Variants in SLC16A13 observed in about 807,000 individuals in gnomAD.
The protein encoded by SLC16A13 is monocarboxylate transporter 13.
A neutral mutation model predicts 28.1 loss-of-function variants in SLC16A13; 28 were observed. The observed-to-expected ratio is 1.00, with a 90% CI of 0.74 to 1.37. The LOEUF (loss-of-function observed/expected upper bound fraction) is 1.37, where lower values mean the gene tolerates loss of function less well. Ranked by LOEUF, SLC16A13 falls within the 40% of genes most tolerant of loss-of-function variation. The pLI, the probability that SLC16A13 is intolerant of heterozygous loss-of-function variation, is 0.00. For synonymous variants in SLC16A13, 228 were observed against 241.6 expected (o/e 0.94, Z 0.52); for missense variants, 482 against 531.8 (o/e 0.91, Z 0.92).
intron 2 of SLC16A13, among the ~76,000 whole-genome samples, chr17:7,037,773 T>C (rs1022485575): frequency 6.6e-6 from 1 of 151,592 alleles, no homozygotes; most frequent in Non-Finnish European, 1.5e-5. Context: ...GACTGTGAAA[T>C]CGATATCATT....
chr17:7,036,647 G>A, intron 1 of SLC16A13, 66 bp downstream of exon 1: 11 of 1,609,024 alleles, frequency 6.8e-6, no homozygotes, highest in African/African-American at 1.3e-5. Flanking sequence ...CGGCGACTGG[G>A]AAGTGGAAGG....
In SLC16A13 at chr17:7,038,989, T is replaced by C. The variant is rs900108381; in HGVS notation, c.1081+100T>C. 10 of 1,463,426 alleles carry C rather than the reference T, an allele frequency of 6.8e-6. No homozygotes were observed. The highest frequency in any genetic ancestry group is 1.9e-4 in the Middle Eastern group (1 of 5,200). The allele number at this position is 1,463,426 out of a possible 1,614,324, so 90.7% of individuals were successfully genotyped here. A position where few individuals can be genotyped will look rare whatever the true frequency, so the allele number is the denominator to read the frequency against. On this transcript the variant is annotated intron_variant, in intron 3 of 3. Coordinates refer to ENST00000308027, the MANE Select transcript of SLC16A13 (RefSeq NM_201566.3). This position sits in a 1 kb window ranked among gnomAD's most constrained non-coding sequence, Gnocchi z 5.7. ...AGTGTATGTGAATATTGCCCTCTGGTGTAGTACAGTACACAGCCTGCGTGG... is the reference window on the plus strand; with the variant it reads ...AGTGTATGTGAATATTGCCCTCTGGCGTAGTACAGTACACAGCCTGCGTGG...
rs1451249436 is a variant in SLC16A13 at position 7,036,457 on chromosome 17, G to C, written c.75G>C (p.Ala25=). ...VVVLSAFFQS[A]LVFGVLRSFG... ...TGCTCTCAGCGTTCTTCCAGTCGGCGCTTGTGTTTGGGGTGCTCCGCTCCT... is the reference window on the plus strand; with the variant it reads ...TGCTCTCAGCGTTCTTCCAGTCGGCCCTTGTGTTTGGGGTGCTCCGCTCCT... Residue 25 remains alanine, a synonymous_variant, in exon 1 of 4, where the codon GCG becomes GCC. Coordinates refer to ENST00000308027, the MANE Select transcript of SLC16A13 (RefSeq NM_201566.3). 6.2e-7 allele frequency: 1 copy of C among 1,612,330 alleles called. No homozygotes were observed. The highest frequency in any genetic ancestry group is 8.5e-7 in the Non-Finnish European group (1 of 1,180,032).
intron 2 of SLC16A13, among the ~76,000 whole-genome samples, chr17:7,037,617 T>C (rs1237994865): frequency 6.6e-6 from 1 of 151,516 alleles, no homozygotes; most frequent in Non-Finnish European, 1.5e-5. Flanking sequence ...TCCCAGCTAC[T>C]CGGGAGGCTG....
In SLC16A13 at chr17:7,036,871, G is replaced by A. The variant is rs777148419; in HGVS notation, c.343+1G>A. 3 of 1,611,696 alleles carry A rather than the reference G, an allele frequency of 1.9e-6. No individual in the cohort carries two copies. The highest frequency in any genetic ancestry group is 1.3e-5 in the African/African-American group (1 of 74,936). ...TACCTGAGTATTGGGTTGCTGTCAG[G>A]TGAGAGCCTGCACAAGGGCAGGAGA... On this transcript the variant is annotated splice_donor_variant, in intron 2 of 3. Coordinates refer to ENST00000308027, the MANE Select transcript of SLC16A13 (RefSeq NM_201566.3). LOFTEE classifies it high-confidence loss of function.
Position 7,039,817 on chromosome 17 carries a change from C to T in SLC16A13, c.1136C>T (p.Ala379Val). The T allele has an allele frequency of 5.0e-6, 8 of 1,614,152 alleles. No homozygotes were observed. The highest frequency in any genetic ancestry group is 5.9e-6 in the Non-Finnish European group (7 of 1,180,018). ...NYTASFVVAG[A>V]FLLSGSGILL... ...ACGGCTTCTTTTGTGGTGGCTGGGG[C>T]CTTCCTTCTTTCAGGGAGTGGCATT... The change falls in exon 4 of 4, where the codon GCC becomes GTC. Residue 379 changes from alanine to valine, a missense_variant. Ala to Val is a moderately conservative substitution (Grantham distance 64). Transcript: ENST00000308027. This position sits in a 1 kb window ranked among gnomAD's most constrained non-coding sequence, Gnocchi z 4.3.
At chr17:7,037,968 G>A (rs1034049519) in intron 2 of SLC16A13, among the ~76,000 whole-genome samples, 184 bp from the exon 3 acceptor site, 4 of 152,210 alleles carry the variant, frequency 2.6e-5, no homozygotes, top group South Asian at 2.1e-4. Flanking sequence ...TGAGAAGGTT[G>A]AGGCTGGGGG....
At position 7,036,258 on chromosome 17, in the gene SLC16A13, A is replaced by T; in HGVS notation, c.-125A>T. ...CCGCCTCGTCGGGCCCTTCCTCTCT[A>T]CCTGCCTCTCCAACCCCTCTCGGCC... On this transcript the variant is annotated 5_prime_UTR_variant, in exon 1 of 4. Coordinates refer to ENST00000308027, the MANE Select transcript of SLC16A13 (RefSeq NM_201566.3). 1.1e-6 allele frequency: 1 copy of T among 949,448 alleles called. No individual in the cohort carries two copies. Among genetic ancestry groups the T allele is most frequent in the Non-Finnish European group, 1.6e-6 (1 of 637,856 alleles). The allele number at this position is 949,448 out of a possible 1,614,324, so 58.8% of individuals were successfully genotyped here.
Position 7,036,571 on chromosome 17 carries a change from G to A in SLC16A13, c.189G>A (p.Gln63=). 1 of 1,612,426 alleles carries A rather than the reference G, an allele frequency of 6.2e-7. No individual in the cohort carries two copies. Among genetic ancestry groups the A allele is most frequent in the Non-Finnish European group, 8.5e-7 (1 of 1,180,026 alleles). ...TCGCCTCCATAGGAATCGCGGTGCA[G>A]CAGTTTGGGAGTGAGTGCGGCGCCT... ...SWIASIGIAV[Q]QFGSPVGSAL... is the part of the protein sequence containing the mutation. The change falls in exon 1 of 4, where the codon CAG becomes CAA. Residue 63 remains glutamine, a synonymous_variant. Transcript: ENST00000308027.
chr17:7,036,952 C>G (rs374107114), intron 2 of SLC16A13, 82 bp downstream of exon 2: 19 of 1,523,054 alleles, frequency 1.2e-5, no homozygotes, highest in Non-Finnish European at 1.7e-5. Context: ...CCAAAGGGTT[C>G]GGGGAGAAGC....
At chr17:7,036,635 T>G in intron 1 of SLC16A13, 54 bp downstream of exon 1, 2 of 1,609,324 alleles carry the variant, frequency 1.2e-6, no homozygotes, top group Non-Finnish European at 8.5e-7. Context: ...GGAGAGGGAA[T>G]GCGGCGACTG....
In SLC16A13 at chr17:7,038,206, T is replaced by C; in HGVS notation, c.398T>C (p.Phe133Ser). The C allele has an allele frequency of 6.2e-7, 1 of 1,614,102 alleles. No individual in the cohort carries two copies. The highest frequency in any genetic ancestry group is 1.3e-5 in the African/African-American group (1 of 75,012). ...APTLACLSCY[F>S]SRRRSLATGL... ...ACCCTGGCCTGCCTGTCCTGTTATT[T>C]CTCTCGCCGACGATCCCTGGCCACC... The change falls in exon 3 of 4, where the codon TTC (phenylalanine) becomes TCC (serine). Residue 133 changes from phenylalanine to serine, a missense_variant. Phe to Ser is a radical substitution (Grantham distance 155). Transcript: ENST00000308027. The surrounding 1 kb of genome is among the most constrained non-coding windows in gnomAD (Gnocchi z 5.7).
chr17:7,039,659 C>G lies in SLC16A13; in HGVS notation c.1082-104C>G, dbSNP rs185659859. 6.9e-4 allele frequency: 834 copies of G among 1,210,300 alleles called. 5 individuals are homozygous for G. The African/African-American group carries it at 0.011, about 16-fold the overall frequency. The allele number at this position is 1,210,300 out of a possible 1,614,324, so 75.0% of individuals were successfully genotyped here. A position where few individuals can be genotyped will look rare whatever the true frequency, so the allele number is the denominator to read the frequency against. ...TCCAACTATTCCATGGGAGTTCCAA[C>G]TCCTCTGAGATGATAAGTCTTCCCT... On this transcript the variant is annotated intron_variant, in intron 3 of 3. Transcript: ENST00000308027. This position sits in a 1 kb window ranked among gnomAD's most constrained non-coding sequence, Gnocchi z 4.3.
Position 7,038,724 on chromosome 17 carries a change from G to T in SLC16A13, c.916G>T (p.Ala306Ser). ...GTTCCCTGTAGCTCAGGCTCCCACAGCCCTGGTGGCTCTGGCTGTGGCCTA... is the reference window on the plus strand; with the variant it reads ...GTTCCCTGTAGCTCAGGCTCCCACATCCCTGGTGGCTCTGGCTGTGGCCTA... The part of the protein sequence containing the change: ...ALFPVAQAPT[A>S]LVALAVAYGF... The change falls in exon 3 of 4, where the codon GCC (alanine) becomes TCC (serine). Residue 306 changes from alanine to serine, a missense_variant. By Grantham distance (99) the Ala-to-Ser change is moderately conservative. Coordinates refer to ENST00000308027, the MANE Select transcript of SLC16A13 (RefSeq NM_201566.3). The surrounding 1 kb of genome is among the most constrained non-coding windows in gnomAD (Gnocchi z 5.7). 1 of 1,614,152 alleles carries T rather than the reference G, an allele frequency of 6.2e-7. No individual in the cohort carries two copies. The highest frequency in any genetic ancestry group is 8.5e-7 in the Non-Finnish European group (1 of 1,180,024).
rs920216566 is a variant in SLC16A13, at chr17:7,039,420, A to G, written c.1082-343A>G. On this transcript the variant is annotated intron_variant, in intron 3 of 3. Coordinates refer to ENST00000308027, the MANE Select transcript of SLC16A13 (RefSeq NM_201566.3). This position sits in a 1 kb window ranked among gnomAD's most constrained non-coding sequence, Gnocchi z 4.3. ...GCTTGCAGTGAGCTGAGATCGCGCC[A>G]CTGCACTTCAGCCTGGGCGACAGAG... Among the ~76,000 whole-genome samples the G allele has an allele frequency of 2.6e-5, 4 of 151,266 alleles. No homozygotes were observed. The highest frequency in any genetic ancestry group is 5.9e-5 in the Non-Finnish European group (4 of 67,898).
intron 1 of SLC16A13, 61 bp downstream of exon 1, chr17:7,036,642 A>T: frequency 6.2e-7 from 1 of 1,609,214 alleles, no homozygotes; most frequent in Non-Finnish European, 8.5e-7. Flanking sequence ...GAATGCGGCG[A>T]CTGGGAAGTG....
At position 7,036,434 on chromosome 17, in the gene SLC16A13, C is replaced by T; in HGVS notation, c.52C>T (p.Leu18Phe). The part of the protein sequence containing the change: ...PDGGWGWVVV[L>F]SAFFQSALVF... ...CGGGGGCTGGGGATGGGTGGTGGTGCTCTCAGCGTTCTTCCAGTCGGCGCT... is the reference window on the plus strand; with the variant it reads ...CGGGGGCTGGGGATGGGTGGTGGTGTTCTCAGCGTTCTTCCAGTCGGCGCT... The change falls in exon 1 of 4, where the codon CTC (leucine) becomes TTC (phenylalanine). Residue 18 changes from leucine to phenylalanine, a missense_variant. By Grantham distance (22) the Leu-to-Phe change is conservative. Coordinates refer to ENST00000308027, the MANE Select transcript of SLC16A13 (RefSeq NM_201566.3). 1 of 1,612,256 alleles carries T rather than the reference C, an allele frequency of 6.2e-7. No individual in the cohort carries two copies. The highest frequency in any genetic ancestry group is 8.5e-7 in the Non-Finnish European group (1 of 1,180,014).
In SLC16A13 at chr17:7,038,231, C is replaced by T. The variant is rs34369156; in HGVS notation, c.423C>T (p.Thr141=). ...CYFSRRRSLA[T]GLALTGVGLS... is the part of the protein sequence containing the mutation. ...TCTCTCGCCGACGATCCCTGGCCAC[C>T]GGGCTGGCACTGACAGGCGTGGGCC... is the stretch of plus-strand genomic sequence containing the variant. The change falls in exon 3 of 4, where the codon ACC becomes ACT. Residue 141 remains threonine (T), a synonymous_variant. Transcript: ENST00000308027. The surrounding 1 kb of genome is among the most constrained non-coding windows in gnomAD (Gnocchi z 5.7). 946 of 1,614,136 alleles carry T rather than the reference C, an allele frequency of 5.9e-4. 5 individuals are homozygous for T. Among genetic ancestry groups the T allele is most frequent in the South Asian group, 5.1e-3 (462 of 91,088 alleles).
chr17:7,036,678 G>T (rs369137949), intron 1 of SLC16A13, 49 bp from the exon 2 acceptor site: 11 of 1,607,264 alleles, frequency 6.8e-6, no homozygotes, highest in East Asian at 4.5e-5. Context: ...GGAGATGCTG[G>T]GGGGGAGACC....
Sources: gnomAD v4.1 joint callset for allele counts (sites outside exome capture counted in the v4.1 genomes callset) on GRCh38, gnomAD v4.1.1 for gene constraint, Gnocchi (gnomAD v3.1) non-coding constraint, MANE v1.5 for transcripts, NCBI Gene and HGNC (gene_info 2026-07-23, HGNC 2026-07-21) for gene names.